ZNF83: variants seen among roughly 807,000 people sequenced by gnomAD.
ZNF83 encodes the protein zinc finger protein 816B.
For synonymous variants in ZNF83, 209 were observed against 213.0 expected (o/e 0.98, Z 0.17); for missense variants, 552 against 629.9 (o/e 0.88, Z 1.32).
chr19:52,636,631 C>G (rs1000098586), intron 1 of ZNF83: 2 of 151,484 alleles, frequency 1.3e-5, no homozygotes, highest in African/African-American at 4.9e-5. Context: ...ATGAACTCAC[C>G]CACTCATCTA....
intron 1 of ZNF83, among the ~76,000 whole-genome samples, chr19:52,682,775 T>C (rs1228643883): frequency 6.6e-6 from 1 of 152,152 alleles, no homozygotes; most frequent in African/African-American, 2.4e-5. Flanking sequence ...GAGGCTAAAA[T>C]GGGGATCACT....
intron 2 of ZNF83, among the ~76,000 whole-genome samples, chr19:52,633,934 T>C (rs2147181897): frequency 6.6e-6 from 1 of 151,750 alleles, no homozygotes; most frequent in South Asian, 2.1e-4. Context: ...ATAACAAATA[T>C]ATACATCATG....
intron 2 of ZNF83, among the ~76,000 whole-genome samples, chr19:52,657,312 G>A (rs1355422213): frequency 6.6e-6 from 1 of 152,082 alleles, no homozygotes; most frequent in African/African-American, 2.4e-5. Flanking sequence ...AATACATTAT[G>A]TAAATTAAAA....
At chr19:52,620,840 A>C (rs66599469) in intron 2 of ZNF83, among the ~76,000 whole-genome samples, 12,494 of 152,152 alleles carry the variant, frequency 0.082, 554 homozygotes, top group Non-Finnish European at 0.096. Context: ...CCAACTGACC[A>C]ATGGATCAAC....
chr19:52,661,472 C>A (rs192870908), intron 1 of ZNF83, among the ~76,000 whole-genome samples: 1 of 152,164 alleles, frequency 6.6e-6, no homozygotes, highest in Non-Finnish European at 1.5e-5. Flanking sequence ...CCTCAGTTCT[C>A]AATATGGGGG....
rs1259686785 is a variant in ZNF83 at position 52,685,992 on chromosome 19, G to A, written c.-283+4451C>T. On this transcript the variant is annotated intron_variant, in intron 1 of 5. Coordinates refer to the ZNF83 transcript ENST00000594682. ...CCCATCTTTCAACATTTGTCCAAAC[G>A]CACCAGAGGGCCTTGAGGGAAACAT... Among the ~76,000 whole-genome samples the A allele has an allele frequency of 1.3e-5, 2 of 150,914 alleles. 1 individual carries two copies. Among genetic ancestry groups the A allele is most frequent in the Admixed American group, 1.3e-4 (2 of 15,006 alleles).
chr19:52,612,731 A>G (rs1039740906), exon 3 of ZNF83: 4 of 437,730 alleles, frequency 9.1e-6, no homozygotes, highest in Admixed American at 3.9e-5. Flanking sequence ...ATATTGTACA[A>G]TGTGAGAATT....
intron 3 of ZNF83, among the ~76,000 whole-genome samples, chr19:52,653,726 TA>T (rs2061472725): frequency 6.6e-6 from 1 of 152,250 alleles, no homozygotes; most frequent in African/African-American, 2.4e-5. Flanking sequence ...GAACACTCAT[TA>T]CACTTGTAAG....
chr19:52,614,274 CTCA>C, exon 3 of ZNF83: 1 of 1,614,086 alleles, frequency 6.2e-7, no homozygotes, highest in Non-Finnish European at 8.5e-7. Flanking sequence ...CCTTGCCACG[CTCA>C]CTACATTTGT....
At chr19:52,657,044 G>A (rs1014565409) in intron 2 of ZNF83, among the ~76,000 whole-genome samples, 1 of 151,612 alleles carries the variant, frequency 6.6e-6, no homozygotes, top group Non-Finnish European at 1.5e-5. Context: ...TGAGCCTGGA[G>A]AGCAGAGTTT....
At chr19:52,638,963 G>A (rs1249870024), upstream of ZNF83, among the ~76,000 whole-genome samples, 3 of 152,178 alleles carry the variant, frequency 2.0e-5, no homozygotes, top group Non-Finnish European at 2.9e-5. Context: ...CTCCCGCAGG[G>A]CTCCCTTCCT....
At chr19:52,628,242 G>C (rs1422664706) in intron 2 of ZNF83, among the ~76,000 whole-genome samples, 1 of 152,094 alleles carries the variant, frequency 6.6e-6, no homozygotes, top group African/African-American at 2.4e-5. Flanking sequence ...GAGATCAATC[G>C]CTGTCCTCCT....
At chr19:52,670,652 T>C (rs544951007) in intron 1 of ZNF83, among the ~76,000 whole-genome samples, 2 of 152,180 alleles carry the variant, frequency 1.3e-5, no homozygotes, top group African/African-American at 2.4e-5. Context: ...TCATGGCCCA[T>C]GACACAACTC....
chr19:52,668,377 C>T (rs1209334461), intron 1 of ZNF83, among the ~76,000 whole-genome samples: 1 of 152,098 alleles, frequency 6.6e-6, no homozygotes, highest in African/African-American at 2.4e-5. Flanking sequence ...CTAAGGAAAG[C>T]TTAGTCTATC....
At chr19:52,673,980 C>A (rs1236449402) in intron 1 of ZNF83, among the ~76,000 whole-genome samples, 2 of 147,098 alleles carry the variant, frequency 1.4e-5, no homozygotes, top group South Asian at 2.2e-4. Flanking sequence ...CATGCCACTG[C>A]CCTGCAGCCT....
At chr19:52,646,219 C>T (rs1001626161) in intron 3 of ZNF83, among the ~76,000 whole-genome samples, 1 of 152,130 alleles carries the variant, frequency 6.6e-6, no homozygotes, top group African/African-American at 2.4e-5. Context: ...GGATTACAGG[C>T]ATGAGCCACC....
Position 52,618,999 on chromosome 19 carries a change from G to A in ZNF83, c.-233-4202C>T, listed in dbSNP as rs765304011. 6 of 1,592,484 alleles carry A rather than the reference G, an allele frequency of 3.8e-6. No individual in the cohort carries two copies. In the Admixed American group the frequency reaches 1.0e-4, roughly 27 times the overall value. On this transcript the variant is annotated intron_variant, in intron 2 of 2. Transcript: ENST00000301096. ...TCTCTGTATAGAGTCCTCTGAGCAG[G>A]GTCCAGGCATTTCCACTCCTCCTGA...
intron 2 of ZNF83, among the ~76,000 whole-genome samples, chr19:52,658,740 C>A (rs975804882): frequency 6.6e-6 from 1 of 152,090 alleles, no homozygotes; most frequent in Non-Finnish European, 1.5e-5. Context: ...ATAGAGGCTT[C>A]CCCAGTTAAG....
At chr19:52,626,935 T>C (rs1373753609) in intron 2 of ZNF83, among the ~76,000 whole-genome samples, 1 of 152,164 alleles carries the variant, frequency 6.6e-6, no homozygotes, top group Non-Finnish European at 1.5e-5. Flanking sequence ...TACATCCAGA[T>C]GGCCTGAGGC....
Sources: gnomAD v4.1 joint callset for allele counts (sites outside exome capture counted in the v4.1 genomes callset) on GRCh38, gnomAD v4.1.1 for gene constraint, MANE v1.5 for transcripts, NCBI Gene and HGNC (gene_info 2026-07-23, HGNC 2026-07-21) for gene names.